Variants in RAPGEF5 observed in about 807,000 individuals in gnomAD.
The protein encoded by RAPGEF5 is Rap guanine nucleotide exchange factor 5.
Under a neutral mutation model 125.2 loss-of-function variants are expected in RAPGEF5, and 65 were observed. That is an observed-to-expected ratio of 0.52 (90% CI 0.43 to 0.64). The LOEUF (loss-of-function observed/expected upper bound fraction) is 0.64. Among genes scored for constraint, RAPGEF5 ranks in the 30% least tolerant of loss-of-function variants. RAPGEF5 has a pLI of 0.00. For synonymous variants in RAPGEF5, 391 were observed against 385.9 expected, an observed-to-expected ratio of 1.01 and a Z score of -0.16; for missense variants, 958 against 1,048.1, an observed-to-expected ratio of 0.91 and a Z score of 1.19.
At chr7:22,173,132 AG>A (rs1318166062) in intron 11 of RAPGEF5, among the ~76,000 whole-genome samples, 10 of 152,216 alleles carry the variant, frequency 6.6e-5, no homozygotes, top group Admixed American at 1.3e-4. Context: ...TGAACATGAA[AG>A]GGCCCATTTC....
chr7:22,128,719 T>C (rs926278882), intron 24 of RAPGEF5, among the ~76,000 whole-genome samples: 4 of 152,180 alleles, frequency 2.6e-5, no homozygotes, highest in African/African-American at 9.7e-5. Flanking sequence ...AGGCATGCTG[T>C]GGACCAGGAG....
chr7:22,309,285 C>T (rs1783416166), intron 4 of RAPGEF5, among the ~76,000 whole-genome samples: 1 of 152,184 alleles, frequency 6.6e-6, no homozygotes, highest in Admixed American at 6.5e-5. Flanking sequence ...GAAGATTACA[C>T]CCACGTCCAT....
chr7:22,327,465 A>AC (rs1783835968), intron 1 of RAPGEF5, among the ~76,000 whole-genome samples: 1 of 152,170 alleles, frequency 6.6e-6, no homozygotes, highest in Admixed American at 6.5e-5. Flanking sequence ...TTAAATGTTT[A>AC]TAAAGGAAAA....
Position 22,235,198 on chromosome 7 carries a change from T to C in RAPGEF5, c.797-4279A>G, listed in dbSNP as rs1786158281. Among the ~76,000 whole-genome samples the C allele has an allele frequency of 2.0e-5, 3 of 152,244 alleles. No individual in the cohort carries two copies. The South Asian group carries it at 6.2e-4, about 31-fold the overall frequency. On this transcript the variant is annotated intron_variant, in intron 7 of 25. Transcript: ENST00000665637. ...AAGAACTAAAGTTTTGTCAGTAATA[T>C]AATCTTTCACCTGTGTAGCATTTTT... is the stretch of plus-strand genomic sequence containing the variant.
intron 8 of RAPGEF5, among the ~76,000 whole-genome samples, chr7:22,224,381 T>A (rs1322379645): frequency 6.6e-6 from 1 of 152,224 alleles, no homozygotes; most frequent in African/African-American, 2.4e-5. Flanking sequence ...AAACATTACT[T>A]AAATGCTTTG....
chr7:22,240,741 T>A (rs1244936409), intron 7 of RAPGEF5, among the ~76,000 whole-genome samples: 1 of 152,146 alleles, frequency 6.6e-6, no homozygotes, highest in African/African-American at 2.4e-5. Context: ...GTCAATCTGC[T>A]ATCATCACAC....
intron 6 of RAPGEF5, among the ~76,000 whole-genome samples, chr7:22,277,733 C>A (rs1782589943): frequency 6.6e-6 from 1 of 152,162 alleles, no homozygotes; most frequent in South Asian, 2.1e-4. Context: ...TCCTACATCT[C>A]AGAGCCAGCA....
intron 23 of RAPGEF5, among the ~76,000 whole-genome samples, chr7:22,133,786 C>G (rs1782995242): frequency 6.6e-6 from 1 of 152,152 alleles, no homozygotes; most frequent in Admixed American, 6.5e-5. Flanking sequence ...CTTAGTGTTT[C>G]CCATTCGTCC....
At chr7:22,163,983 CA>C (rs1328259759) in intron 12 of RAPGEF5, among the ~76,000 whole-genome samples, 7 of 151,816 alleles carry the variant, frequency 4.6e-5, no homozygotes, top group South Asian at 4.2e-4. Flanking sequence ...CAGGCAAACA[CA>C]AAAAAAATCT....
chr7:22,164,219 T>C (rs1784092205), intron 12 of RAPGEF5, among the ~76,000 whole-genome samples: 1 of 152,004 alleles, frequency 6.6e-6, no homozygotes, highest in Non-Finnish European at 1.5e-5. Context: ...TAGAGCCAGC[T>C]AGTTGGGATG....
intron 7 of RAPGEF5, among the ~76,000 whole-genome samples, chr7:22,257,950 A>G (rs2128139668): frequency 6.6e-6 from 1 of 152,350 alleles, no homozygotes; most frequent in East Asian, 1.9e-4. Context: ...GCTCTAATGA[A>G]ATATTATAAT....
At chr7:22,240,516 T>A (rs1165510902) in intron 7 of RAPGEF5, among the ~76,000 whole-genome samples, 1 of 151,740 alleles carries the variant, frequency 6.6e-6, no homozygotes, top group Non-Finnish European at 1.5e-5. Context: ...GGATTACAGG[T>A]GCCCACCACC....
chr7:22,197,893 T>TTG (rs139871450), intron 9 of RAPGEF5, among the ~76,000 whole-genome samples: 61 of 116,354 alleles, frequency 5.2e-4, no homozygotes, highest in African/African-American at 9.5e-4. Context: ...TCTTTTTTTT[T>TTG]GGGGGGGGGT....
At chr7:22,193,879 G>C in intron 10 of RAPGEF5, 36 bp downstream of exon 10, 1 of 1,612,414 alleles carries the variant, frequency 6.2e-7, no homozygotes, top group Non-Finnish European at 8.5e-7. Flanking sequence ...AAGGAAACGG[G>C]AGCGCGTGCC....
At chr7:22,332,735 T>C (rs1366765415) in intron 1 of RAPGEF5, among the ~76,000 whole-genome samples, 1 of 152,248 alleles carries the variant, frequency 6.6e-6, no homozygotes, top group African/African-American at 2.4e-5. Flanking sequence ...GTCCTATGTA[T>C]CTCAAGCTGG....
At chr7:22,197,805 G>T (rs143815207) in intron 9 of RAPGEF5, among the ~76,000 whole-genome samples, 1 of 149,852 alleles carries the variant, frequency 6.7e-6, no homozygotes, top group African/African-American at 2.5e-5. Context: ...TACTGAATAC[G>T]TTTATAAACA....
rs16873139 is a variant in RAPGEF5, at chr7:22,128,773, G to A, written c.2481+2264C>T. On this transcript the variant is annotated intron_variant, in intron 24 of 25. Transcript: ENST00000665637. ...GGAGCCTGCCCTCTGAGGAAATGAAGAGCCCGTGCCTGCCTGACGGGCTTG... is the reference window on the plus strand; with the variant it reads ...GGAGCCTGCCCTCTGAGGAAATGAAAAGCCCGTGCCTGCCTGACGGGCTTG... Among the ~76,000 whole-genome samples, 816 of 152,290 alleles carry A rather than the reference G, an allele frequency of 5.4e-3. 14 individuals carry two copies. The highest frequency in any genetic ancestry group is 0.019 in the African/African-American group (781 of 41,558).
chr7:22,222,249 C>T (rs779897508), intron 8 of RAPGEF5, among the ~76,000 whole-genome samples: 8 of 152,022 alleles, frequency 5.3e-5, no homozygotes, highest in Non-Finnish European at 1.0e-4. Flanking sequence ...AAAACAAAAA[C>T]AAAAACAAAG....
chr7:22,247,171 G>T (rs1786498966), intron 7 of RAPGEF5, among the ~76,000 whole-genome samples: 1 of 152,180 alleles, frequency 6.6e-6, no homozygotes, highest in Non-Finnish European at 1.5e-5. Context: ...GCAGTTTGAA[G>T]ACTTCTCAAA....
Sources: allele counts gnomAD v4.1 joint callset (sites outside exome capture counted in the v4.1 genomes callset), GRCh38; gene constraint gnomAD v4.1.1; transcripts MANE v1.5; gene names NCBI Gene and HGNC (gene_info 2026-07-23, HGNC 2026-07-21).